Variants in TRMT13 observed in about 807,000 individuals in gnomAD.
The protein encoded by TRMT13 is tRNA:m(4)X modification enzyme TRM13 homolog.
A neutral mutation model predicts 55.9 loss-of-function variants in TRMT13; 45 were observed. That is an observed-to-expected ratio of 0.80 (90% CI 0.63 to 1.03). The LOEUF is 1.03. Ranked by LOEUF, TRMT13 falls within the 50% of genes least tolerant of loss-of-function variation. The pLI is 0.00. For missense variants in TRMT13, 513 were observed against 563.9 expected, an observed-to-expected ratio of 0.91 and a Z score of 0.91; for synonymous variants, 183 against 196.3, an observed-to-expected ratio of 0.93 and a Z score of 0.57.
intron 4 of TRMT13, 145 bp downstream of exon 4, chr1:100,139,856 G>T (rs1279855295): frequency 1.1e-5 from 7 of 619,764 alleles, no homozygotes; most frequent in African/African-American, 9.3e-5. Context: ...GTTAGTGATG[G>T]TTAGTTCCTA....
chr1:100,148,230 G>A lies in TRMT13; in HGVS notation c.1154G>A (p.Ser385Asn), dbSNP rs774684740. ...AAAACATCTTTGGAAACCTCAAATA[G>A]TACCACAAAGAGGCAAGATAATCAG... ...MRKTSLETSNSTTKRQDNQND... is the reference protein window; with the variant it reads ...MRKTSLETSNNTTKRQDNQND... Residue 385 changes from serine to asparagine, a missense_variant, in exon 10 of 11, where the codon AGT becomes AAT. By Grantham distance (46) the Ser-to-Asn change is conservative. This residue lies in a region of TRMT13 where 209 missense variants were observed against 255.8 expected (regional missense o/e 0.82). Transcript: ENST00000370141. 2.5e-6 allele frequency: 4 copies of A among 1,614,180 alleles called. No individual in the cohort carries two copies. The Admixed American group carries it at 5.0e-5, about 20-fold the overall frequency.
intron 3 of TRMT13, among the ~76,000 whole-genome samples, chr1:100,137,849 T>G (rs58740616): frequency 0.033 from 5,018 of 152,246 alleles, 302 homozygotes; most frequent in African/African-American, 0.11. Context: ...AGAAAGTATT[T>G]TTACATTAAG....
chr1:100,145,328 C>G (rs1280737053), intron 9 of TRMT13, among the ~76,000 whole-genome samples: 1 of 152,156 alleles, frequency 6.6e-6, no homozygotes, highest in Non-Finnish European at 1.5e-5. Context: ...TCATAAAAGT[C>G]TTCTAAAGTA....
Position 100,147,882 on chromosome 1 carries a change from T to G in TRMT13, c.818-12T>G. Reference sequence around the variant, plus strand: ...GATGTGGTTTGGGGGGGCCACATAATTGTGTTTGCAGATCTTGCATTACGA... The same window carrying G: ...GATGTGGTTTGGGGGGGCCACATAAGTGTGTTTGCAGATCTTGCATTACGA... On this transcript the variant is annotated splice_polypyrimidine_tract_variant and intron_variant, in intron 9 of 10. Coordinates refer to ENST00000370141, the MANE Select transcript of TRMT13 (RefSeq NM_019083.3). 6.3e-7 allele frequency: 1 copy of G among 1,576,742 alleles called. No homozygotes were observed. Among genetic ancestry groups the G allele is most frequent in the Non-Finnish European group, 8.6e-7 (1 of 1,164,000 alleles).
intron 9 of TRMT13, among the ~76,000 whole-genome samples, chr1:100,145,808 C>G (rs1557913977): frequency 6.6e-6 from 1 of 152,178 alleles, no homozygotes; most frequent in Non-Finnish European, 1.5e-5. Flanking sequence ...GAGTCTGAGT[C>G]TGCAGTCAAC....
At chr1:100,139,113 T>G (rs1209589631) in intron 3 of TRMT13, among the ~76,000 whole-genome samples, 5 of 152,244 alleles carry the variant, frequency 3.3e-5, no homozygotes, top group Non-Finnish European at 7.3e-5. Context: ...TTACGTTAAT[T>G]TAAATAGTGT....
At chr1:100,144,038 A>T in intron 8 of TRMT13, 31 bp from the exon 9 acceptor site, 1 of 1,559,000 alleles carries the variant, frequency 6.4e-7, no homozygotes, top group African/African-American at 1.4e-5. Flanking sequence ...ACTTTATTTC[A>T]CTAGACAGTT....
rs1417222134 is a variant in TRMT13, at chr1:100,148,092, G to T, written c.1016G>T (p.Arg339Met). 4 of 1,614,118 alleles carry T rather than the reference G, an allele frequency of 2.5e-6. No individual in the cohort carries two copies. The Admixed American group carries it at 6.7e-5, about 27-fold the overall frequency. The change falls in exon 10 of 11, where the codon AGG (arginine) becomes ATG (methionine). Residue 339 changes from arginine to methionine, a missense_variant. This residue lies in a region of TRMT13 where 209 missense variants were observed against 255.8 expected (regional missense o/e 0.82). Transcript: ENST00000370141. ...GIVIALCCHH[R>M]CDWRHYVGKE... ...GTTATTGCACTCTGTTGTCACCACA[G>T]GTGTGATTGGAGACATTATGTGGGC...
rs151034235 is a variant in TRMT13 at position 100,146,630 on chromosome 1, C to T, written c.818-1264C>T. On this transcript the variant is annotated intron_variant, in intron 9 of 10. Transcript: ENST00000370141. ...AAGCGATTCTCCTGCCTCAGCCTCCCGAATTGCTGGGACTACAGACTCGTG... is the reference window on the plus strand; with the variant it reads ...AAGCGATTCTCCTGCCTCAGCCTCCTGAATTGCTGGGACTACAGACTCGTG... Among the ~76,000 whole-genome samples, 43 of 152,258 alleles carry T rather than the reference C, an allele frequency of 2.8e-4. No individual in the cohort carries two copies. The East Asian group carries it at 6.4e-3, about 23-fold the overall frequency.
chr1:100,148,566 A>T, intron 10 of TRMT13, 59 bp from the exon 11 acceptor site: 8 of 1,469,130 alleles, frequency 5.4e-6, no homozygotes, highest in Non-Finnish European at 7.5e-6. Context: ...GACAAAAATA[A>T]TTTTTTATAA....
At chr1:100,138,420 G>GT (rs1557907314) in intron 3 of TRMT13, among the ~76,000 whole-genome samples, 2 of 152,226 alleles carry the variant, frequency 1.3e-5, no homozygotes. Context: ...TTCTATTATA[G>GT]TTTTTTTCCG....
rs1009329993 is a variant in TRMT13, at chr1:100,136,921, C to A, written c.187C>A (p.Pro63Thr). The A allele has an allele frequency of 2.5e-6, 4 of 1,602,478 alleles. No individual in the cohort carries two copies. The highest frequency in any genetic ancestry group is 3.4e-6 in the Non-Finnish European group (4 of 1,176,360). ...GAAAAGAATCCTGTGTCCTTTAGAT[C>A]CAAAACAGTAAGTGTGGATCAGATA... ...ARKRILCPLDPKHTVYEDQLA... is the reference protein window; with the variant it reads ...ARKRILCPLDTKHTVYEDQLA... Residue 63 changes from proline (P) to threonine (T), a missense_variant, in exon 2 of 11, where the codon CCA becomes ACA. This residue lies in a region of TRMT13 where 298 missense variants were observed against 290.3 expected (regional missense o/e 1.03). Coordinates refer to ENST00000370141, the MANE Select transcript of TRMT13 (RefSeq NM_019083.3).
At chr1:100,146,759 C>T (rs114118384) in intron 9 of TRMT13, among the ~76,000 whole-genome samples, 2,932 of 152,224 alleles carry the variant, frequency 0.019, 38 homozygotes, top group Non-Finnish European at 0.03. Flanking sequence ...CCACCTCAGC[C>T]GGCGTGAGCT....
chr1:100,148,545 CAATA>C (rs1311567548), intron 10 of TRMT13, 76 bp from the exon 11 acceptor site: 3 of 1,334,076 alleles, frequency 2.2e-6, no homozygotes, highest in South Asian at 2.6e-5. Flanking sequence ...AACAGTCTCT[CAATA>C]AATAGTGACA....
intron 7 of TRMT13, 45 bp downstream of exon 7, chr1:100,141,064 A>AT: frequency 1.4e-6 from 2 of 1,471,926 alleles, no homozygotes; most frequent in South Asian, 1.5e-5. Context: ...ACTTGTTTTC[A>AT]TTTTTTGTAT....
intron 1 of TRMT13, among the ~76,000 whole-genome samples, chr1:100,135,513 C>T (rs546928418): frequency 1.3e-5 from 2 of 152,304 alleles, no homozygotes; most frequent in East Asian, 1.9e-4. Context: ...TCACCACTTA[C>T]TCTATGTACA....
chr1:100,141,406 T>C (rs965530547), intron 7 of TRMT13, among the ~76,000 whole-genome samples: 5 of 152,228 alleles, frequency 3.3e-5, no homozygotes, highest in Admixed American at 2.0e-4. Flanking sequence ...CGTGGCTCAC[T>C]GCAGCCTTGA....
chr1:100,146,277 A>G lies in TRMT13; in HGVS notation c.818-1617A>G, dbSNP rs541249475. Among the ~76,000 whole-genome samples, 35 of 152,250 alleles carry G rather than the reference A, an allele frequency of 2.3e-4. No homozygotes were observed. In the South Asian group the frequency reaches 6.6e-3, roughly 29 times the overall value. On this transcript the variant is annotated intron_variant, in intron 9 of 10. Coordinates refer to ENST00000370141, the MANE Select transcript of TRMT13 (RefSeq NM_019083.3). ...ATTTTAATTATCTGTTTATATATCT[A>G]ATTCTTCCACCATGCTCTGAATTTT...
intron 9 of TRMT13, among the ~76,000 whole-genome samples, chr1:100,145,429 C>G (rs1657125036): frequency 6.6e-6 from 1 of 152,134 alleles, no homozygotes; most frequent in East Asian, 1.9e-4. Flanking sequence ...TCCCTTGATT[C>G]ACTGTATCTG....
Sources: allele counts gnomAD v4.1 joint callset (sites outside exome capture counted in the v4.1 genomes callset), GRCh38; gene constraint gnomAD v4.1.1; regional missense constraint gnomAD v4.1.1; transcripts MANE v1.5; gene names NCBI Gene and HGNC (gene_info 2026-07-23, HGNC 2026-07-21).